JUP: variants seen among roughly 807,000 people sequenced by gnomAD.
JUP encodes catenin (cadherin-associated protein), gamma 80kDa.
In JUP, 28 loss-of-function variants were observed where a neutral mutation model predicts 71.1. That is an observed-to-expected ratio of 0.39 (90% CI 0.29 to 0.54). JUP has a LOEUF of 0.54. Among genes scored for constraint, JUP ranks in the 20% least tolerant of loss-of-function variants. The pLI is 0.62. For synonymous variants in JUP, 401 were observed against 438.9 expected, an observed-to-expected ratio of 0.91 and a Z score of 1.08; for missense variants, 869 against 1,030.1, an observed-to-expected ratio of 0.84 and a Z score of 2.14.
intron 8 of JUP, among the ~76,000 whole-genome samples, chr17:41,760,349 G>A (rs541595818): frequency 1.2e-4 from 18 of 150,928 alleles, no homozygotes; most frequent in African/African-American, 3.9e-4. Flanking sequence ...TCCGCCTCCC[G>A]GGTTCACACC....
At chr17:41,764,003 A>G (rs1915292928) in intron 7 of JUP, among the ~76,000 whole-genome samples, 1 of 152,024 alleles carries the variant, frequency 6.6e-6, no homozygotes, top group Non-Finnish European at 1.5e-5. Flanking sequence ...CATCTAACCC[A>G]CAGGGTCCCA....
At chr17:41,755,931 G>A in intron 13 of JUP, 36 bp from the exon 14 acceptor site, 1 of 1,586,944 alleles carries the variant, frequency 6.3e-7, no homozygotes, top group Admixed American at 1.7e-5. Context: ...CCTAGGGTCT[G>A]CAAGCTACCC....
At chr17:41,761,318 C>A (rs1555601099) in intron 8 of JUP, among the ~76,000 whole-genome samples, 2 of 152,168 alleles carry the variant, frequency 1.3e-5, no homozygotes, top group African/African-American at 4.8e-5. Flanking sequence ...CTTGATGTGG[C>A]TGAATGACCA....
chr17:41,761,920 T>C (rs551935594), intron 8 of JUP, among the ~76,000 whole-genome samples: 1 of 150,392 alleles, frequency 6.6e-6, no homozygotes, highest in South Asian at 2.1e-4. Context: ...AATACAAAAA[T>C]TATCCAGACA....
chr17:41,773,683 G>A (rs1312105785), intron 1 of JUP, among the ~76,000 whole-genome samples: 2 of 152,158 alleles, frequency 1.3e-5, no homozygotes, highest in African/African-American at 4.8e-5. Context: ...CAGGGGCAAT[G>A]GTGGGGGGCG....
At chr17:41,784,706 C>G (rs1004102098) in intron 1 of JUP, among the ~76,000 whole-genome samples, 1 of 152,104 alleles carries the variant, frequency 6.6e-6, no homozygotes, top group Non-Finnish European at 1.5e-5. Context: ...GATCCCCACC[C>G]AGGATAAAGG....
In JUP at chr17:41,763,149, C is replaced by T. The variant is rs369507567; in HGVS notation, c.1331G>A (p.Arg444His). ...CGTGATGTCGTCCTTGTCACCAGCA[C>T]GCAGGATGGCATGGATGAGAGCCTC... Reference protein sequence around the residue: ...GVEALIHAILRAGDKDDITEP... With the variant: ...GVEALIHAILHAGDKDDITEP... The change falls in exon 8 of 14, where the codon CGT becomes CAT. Residue 444 changes from arginine to histidine, a missense_variant. By Grantham distance (29) the Arg-to-His change is conservative (BLOSUM62 0). Transcript: ENST00000393931. The T allele has an allele frequency of 2.5e-5, 40 of 1,614,122 alleles. No individual in the cohort carries two copies. The highest frequency in any genetic ancestry group is 6.7e-5 in the East Asian group (3 of 44,898).
intron 1 of JUP, chr17:41,786,352 G>A (rs1349495313): frequency 1.3e-5 from 2 of 152,018 alleles, no homozygotes; most frequent in Non-Finnish European, 2.9e-5. Flanking sequence ...GCACCTGTCC[G>A]GATCCCTCCC....
intron 8 of JUP, among the ~76,000 whole-genome samples, chr17:41,759,935 C>T (rs548192169): frequency 4.0e-5 from 6 of 151,888 alleles, no homozygotes; most frequent in Admixed American, 1.3e-4. Flanking sequence ...ATGTATAGGC[C>T]GGGCGCAGTG....
chr17:41,772,922 A>G (rs1916882168), intron 1 of JUP: 1 of 985,516 alleles, frequency 1.0e-6, no homozygotes, highest in African/African-American at 1.7e-5. Flanking sequence ...TGCAGAGGTC[A>G]GAGGCTGCGG....
intron 8 of JUP, among the ~76,000 whole-genome samples, chr17:41,760,227 C>G (rs886808204): frequency 6.6e-6 from 1 of 151,546 alleles, no homozygotes; most frequent in African/African-American, 2.4e-5. Context: ...TCATTCTTAT[C>G]TGCACTGGGT....
chr17:41,764,895 C>G, intron 6 of JUP, 28 bp downstream of exon 6: 3 of 1,614,120 alleles, frequency 1.9e-6, no homozygotes, highest in Non-Finnish European at 2.5e-6. Flanking sequence ...GCTCCCACCC[C>G]AGCCGCCCTC....
Position 41,767,204 on chromosome 17 carries a change from T to C in JUP, c.909+175A>G, listed in dbSNP as rs188297961. ...GCTATATGAGGATGAGTGATTTTTTTTTTCCCTTATCCTCAAAATAATAAT... is the reference window on the plus strand; with the variant it reads ...GCTATATGAGGATGAGTGATTTTTTCTTTCCCTTATCCTCAAAATAATAAT... On this transcript the variant is annotated intron_variant, in intron 5 of 13. Transcript: ENST00000393931. 2.0e-5 allele frequency among the ~76,000 whole-genome samples: 3 copies of C among 152,324 alleles called. No individual in the cohort carries two copies. The East Asian group carries it at 5.8e-4, about 29-fold the overall frequency.
chr17:41,783,250 A>G (rs1027754379), intron 1 of JUP, among the ~76,000 whole-genome samples: 25 of 150,644 alleles, frequency 1.7e-4, no homozygotes, highest in Non-Finnish European at 3.7e-4. Context: ...TTGAGTTTCA[A>G]TTTCCTCCTC....
At chr17:41,757,213 C>T (rs1014562780) in intron 12 of JUP, among the ~76,000 whole-genome samples, 2 of 152,256 alleles carry the variant, frequency 1.3e-5, no homozygotes, top group African/African-American at 2.4e-5. Context: ...ACTGTATACT[C>T]ATTTGGGCAA....
chr17:41,771,738 G>C lies in JUP; in HGVS notation c.117C>G (p.Ser39Arg). ...CCTCATCCTCCTCCATGATGCCCTTGCTGCTGACGGAGGGCACGCAGGTGT... is the reference window on the plus strand; with the variant it reads ...CCTCATCCTCCTCCATGATGCCCTTCCTGCTGACGGAGGGCACGCAGGTGT... ...GANTCVPSVS[S>R]KGIMEEDEAC... is the part of the protein sequence containing the mutation. Residue 39 changes from serine (S) to arginine (R), a missense_variant, in exon 2 of 14, where the codon AGC becomes AGG. Coordinates refer to ENST00000393931, the MANE Select transcript of JUP (RefSeq NM_002230.4). The C allele has an allele frequency of 1.2e-6, 2 of 1,614,140 alleles. No individual in the cohort carries two copies. The highest frequency in any genetic ancestry group is 2.2e-5 in the South Asian group (2 of 91,084).
At chr17:41,780,416 G>A (rs544611301) in intron 1 of JUP, among the ~76,000 whole-genome samples, 168 of 152,008 alleles carry the variant, frequency 1.1e-3, no homozygotes, top group African/African-American at 3.8e-3. Flanking sequence ...AAAGAAGGCC[G>A]GGCGCAGTGG....
At chr17:41,782,078 C>A (rs1555610417) in intron 1 of JUP, among the ~76,000 whole-genome samples, 2 of 152,214 alleles carry the variant, frequency 1.3e-5, no homozygotes, top group African/African-American at 4.8e-5. Context: ...GTGACAGGTT[C>A]AGTACTCCGG....
rs34269111 is a variant in JUP at position 41,779,333 on chromosome 17, ATTT to A, written c.-9+7252_-9+7254del. Among the ~76,000 whole-genome samples the A allele has an allele frequency of 3.7e-3, 372 of 100,206 alleles. 3 individuals are homozygous for A. Among genetic ancestry groups the A allele is most frequent in the African/African-American group, 0.013 (355 of 27,508 alleles). The allele number at this position is 100,206 out of a possible 152,430, so 65.7% of individuals were successfully genotyped here. ...CTCTTAAACTTTTCTAAACTTCCCA[ATTT>A]TTTTTTTTTTTTTTTTTTGAGACAG... is the stretch of plus-strand genomic sequence containing the variant. On this transcript the variant is annotated intron_variant, in intron 1 of 13. Coordinates refer to ENST00000393931, the MANE Select transcript of JUP (RefSeq NM_002230.4).
Sources: gnomAD v4.1 joint callset for allele counts (sites outside exome capture counted in the v4.1 genomes callset) on GRCh38, gnomAD v4.1.1 for gene constraint, MANE v1.5 for transcripts, NCBI Gene and HGNC (gene_info 2026-07-23, HGNC 2026-07-21) for gene names.